CSGALNACT1: variants seen among roughly 807,000 people sequenced by gnomAD.
The protein encoded by CSGALNACT1 is beta4GalNAcT-1.
Under a neutral mutation model 51.0 loss-of-function variants are expected in CSGALNACT1, and 52 were observed. The ratio of observed to expected loss-of-function variants is 1.02; its 90% CI spans 0.82 to 1.29. The LOEUF is 1.29. CSGALNACT1 is among the 50% of genes most tolerant of loss of function. CSGALNACT1 has a pLI of 0.00. For synonymous variants in CSGALNACT1, 341 were observed against 254.4 expected (o/e 1.34, Z -3.24); for missense variants, 935 against 679.2 (o/e 1.38, Z -4.19).
intron 6 of CSGALNACT1, among the ~76,000 whole-genome samples, chr8:19,438,290 G>C (rs1351036588): frequency 9.9e-5 from 15 of 152,150 alleles, no homozygotes; most frequent in African/African-American, 2.4e-5. Context: ...CTTCACTTTA[G>C]AATCATCCGG....
At chr8:19,422,831 T>C (rs2058158237) in intron 6 of CSGALNACT1, among the ~76,000 whole-genome samples, 1 of 152,192 alleles carries the variant, frequency 6.6e-6, no homozygotes, top group South Asian at 2.1e-4. Flanking sequence ...GGTTTACCCA[T>C]GGGAGATGCC....
At chr8:19,650,876 T>TCCTG (rs1219579580) in intron 1 of CSGALNACT1, among the ~76,000 whole-genome samples, 1 of 152,180 alleles carries the variant, frequency 6.6e-6, no homozygotes. Flanking sequence ...AGGACTCAGG[T>TCCTG]GAAGAGTCAC....
chr8:19,653,838 T>A (rs1181465216), intron 1 of CSGALNACT1, among the ~76,000 whole-genome samples: 22 of 152,126 alleles, frequency 1.4e-4, no homozygotes, highest in Non-Finnish European at 2.9e-5. Context: ...TCTGTACATT[T>A]CTCTTGAGCA....
chr8:19,428,772 A>G (rs965002724), intron 6 of CSGALNACT1, among the ~76,000 whole-genome samples: 1 of 151,488 alleles, frequency 6.6e-6, no homozygotes, highest in Admixed American at 6.6e-5. Flanking sequence ...AGAGGACACA[A>G]GGTGTTTAAG....
At chr8:19,408,657 C>G in exon 9 of CSGALNACT1, 2 of 1,613,814 alleles carry the variant, frequency 1.2e-6, no homozygotes, top group Non-Finnish European at 1.7e-6. Context: ...CATCCCAAAT[C>G]CAAAGTCTCT....
At chr8:19,707,337 C>T (rs962427687) in intron 1 of CSGALNACT1, among the ~76,000 whole-genome samples, 18 of 152,084 alleles carry the variant, frequency 1.2e-4, no homozygotes, top group African/African-American at 3.1e-4. Flanking sequence ...CTAAGGGACC[C>T]GATAAAACCA....
At chr8:19,521,157 A>G (rs2080603001) in intron 3 of CSGALNACT1, among the ~76,000 whole-genome samples, 1 of 152,190 alleles carries the variant, frequency 6.6e-6, no homozygotes, top group South Asian at 2.1e-4. Context: ...GGTAACGGCT[A>G]GCCAGCTGTC....
At chr8:19,733,220 T>C (rs572940220) in intron 1 of CSGALNACT1, among the ~76,000 whole-genome samples, 2 of 152,324 alleles carry the variant, frequency 1.3e-5, no homozygotes, top group South Asian at 2.1e-4. Flanking sequence ...CTCAGAAATA[T>C]GAGTTAAATA....
chr8:19,410,038 A>G (rs1460194532), intron 8 of CSGALNACT1, among the ~76,000 whole-genome samples: 8 of 152,202 alleles, frequency 5.3e-5, no homozygotes, highest in African/African-American at 1.9e-4. Flanking sequence ...AATGTTCTTT[A>G]ACTCTGTAAC....
intron 3 of CSGALNACT1, among the ~76,000 whole-genome samples, chr8:19,546,691 A>T (rs1380883743): frequency 6.6e-6 from 1 of 152,234 alleles, no homozygotes; most frequent in Non-Finnish European, 1.5e-5. Context: ...AATGTACAAT[A>T]AATATTCTTG....
intron 4 of CSGALNACT1, among the ~76,000 whole-genome samples, chr8:19,496,682 G>A (rs1373968693): frequency 6.6e-6 from 1 of 152,192 alleles, no homozygotes; most frequent in Non-Finnish European, 1.5e-5. Context: ...AATCTGAGGA[G>A]TCACAGGTGC....
chr8:19,435,361 C>T (rs1031496053), intron 6 of CSGALNACT1, among the ~76,000 whole-genome samples: 3 of 151,966 alleles, frequency 2.0e-5, no homozygotes, highest in African/African-American at 4.8e-5. Flanking sequence ...GGTGTGGTGG[C>T]GTGCGCCTAT....
At chr8:19,636,043 C>T (rs905362537) in intron 1 of CSGALNACT1, among the ~76,000 whole-genome samples, 13 of 152,170 alleles carry the variant, frequency 8.5e-5, no homozygotes, top group African/African-American at 3.1e-4. Context: ...AAAGGCTTCA[C>T]ACACCATTCC....
At chr8:19,719,144 A>ATGT (rs2062977712) in intron 1 of CSGALNACT1, among the ~76,000 whole-genome samples, 1 of 152,200 alleles carries the variant, frequency 6.6e-6, no homozygotes, top group Non-Finnish European at 1.5e-5. Context: ...TACACTATAC[A>ATGT]AAACAGTAAC....
At chr8:19,511,822 G>T (rs142624003) in intron 3 of CSGALNACT1, among the ~76,000 whole-genome samples, 137 of 152,334 alleles carry the variant, frequency 9.0e-4, no homozygotes, top group African/African-American at 3.0e-3. Flanking sequence ...GGCTGGGGAG[G>T]CCTCAGGAAA....
intron 4 of CSGALNACT1, among the ~76,000 whole-genome samples, chr8:19,490,843 T>C (rs1432475463): frequency 6.6e-6 from 1 of 152,222 alleles, no homozygotes; most frequent in Non-Finnish European, 1.5e-5. Context: ...ATTTTTCTCT[T>C]TCTGGATTCT....
At chr8:19,419,863 A>G (rs1585568633) in intron 7 of CSGALNACT1, among the ~76,000 whole-genome samples, 1 of 152,300 alleles carries the variant, frequency 6.6e-6, no homozygotes, top group East Asian at 1.9e-4. Context: ...CCCCACCCAA[A>G]TCTCATCTTG....
intron 1 of CSGALNACT1, among the ~76,000 whole-genome samples, chr8:19,753,110 G>A (rs1274476580): frequency 1.3e-5 from 2 of 152,170 alleles, no homozygotes; most frequent in Non-Finnish European, 2.9e-5. Flanking sequence ...GAGAGGCAGG[G>A]AGACACCATG....
At chr8:19,477,052 G>A (rs967624953) in intron 4 of CSGALNACT1, among the ~76,000 whole-genome samples, 2 of 152,206 alleles carry the variant, frequency 1.3e-5, no homozygotes, top group African/African-American at 4.8e-5. Context: ...GATTTGTAAT[G>A]CAGCAATAAC....
Sources: allele counts gnomAD v4.1 joint callset (sites outside exome capture counted in the v4.1 genomes callset), GRCh38; gene constraint gnomAD v4.1.1; transcripts MANE v1.5; gene names NCBI Gene and HGNC (gene_info 2026-07-23, HGNC 2026-07-21).